Variants in NUP133 observed in about 807,000 individuals in gnomAD.
NUP133 encodes the protein nucleoporin 133.
Under a neutral mutation model 146.2 loss-of-function variants are expected in NUP133, and 66 were observed. The observed-to-expected ratio is 0.45, with a 90% CI of 0.37 to 0.55. The LOEUF is 0.55. Ranked by LOEUF, NUP133 falls within the 20% of genes least tolerant of loss-of-function variation. The pLI, the probability that NUP133 is intolerant of heterozygous loss-of-function variation, is 0.00. For missense variants in NUP133, 1,277 were observed against 1,374.8 expected (o/e 0.93, Z 1.12); for synonymous variants, 521 against 498.8 (o/e 1.04, Z -0.59).
At chr1:229,461,260 A>G (rs952712025) in intron 19 of NUP133, among the ~76,000 whole-genome samples, 13 of 151,924 alleles carry the variant, frequency 8.6e-5, no homozygotes, top group African/African-American at 3.1e-4. Context: ...CTGGCATGAT[A>G]CATCAAAATC....
In NUP133 at chr1:229,441,996, G is replaced by C; in HGVS notation, c.3379C>G (p.Gln1127Glu). 6.3e-7 allele frequency: 1 copy of C among 1,590,194 alleles called. No individual in the cohort carries two copies. Among genetic ancestry groups the C allele is most frequent in the South Asian group, 1.2e-5 (1 of 85,568 alleles). ...TTTAAGCTTCCAAGCTGATCCGCTT[G>C]TAGCAGGTCTTTCACCTCCGGTAAG... ...EYLPEVKDLLQADQLGSLKSN... is the reference protein window; with the variant it reads ...EYLPEVKDLLEADQLGSLKSN... The change falls in exon 26 of 26, where the codon CAA becomes GAA. Residue 1127 changes from glutamine (Q) to glutamate (E), a missense_variant. Coordinates refer to ENST00000261396, the MANE Select transcript of NUP133 (RefSeq NM_018230.3).
At chr1:229,504,920 T>C (rs1195818000) in intron 2 of NUP133, among the ~76,000 whole-genome samples, 1 of 152,198 alleles carries the variant, frequency 6.6e-6, no homozygotes, top group African/African-American at 2.4e-5. Context: ...ATATCCATAC[T>C]GTATACCCCA....
chr1:229,501,916 CT>C, intron 3 of NUP133, 82 bp downstream of exon 3: 1 of 986,532 alleles, frequency 1.0e-6, no homozygotes, highest in Non-Finnish European at 1.6e-6. Flanking sequence ...TATCCTCCAA[CT>C]GTAAAAAAAT....
chr1:229,464,493 C>T, intron 18 of NUP133, 131 bp downstream of exon 18: 3 of 1,048,634 alleles, frequency 2.9e-6, no homozygotes, highest in Non-Finnish European at 1.4e-6. Context: ...GCACAGAAAG[C>T]TGTGCATATT....
intron 9 of NUP133, among the ~76,000 whole-genome samples, chr1:229,488,808 C>T (rs1661429765): frequency 6.6e-6 from 1 of 152,110 alleles, no homozygotes. Flanking sequence ...GTGAATATCA[C>T]TGCACTCCAG....
rs147969588 is a variant in NUP133 at position 229,508,068 on chromosome 1, C to T, written c.182G>A (p.Arg61Gln). ...PVGRRSSLSS[R>Q]GTPTRMFPHH... ...AGACCCAACCAGGGAGATCACTTACCGCGAGCTTAGCGAGCTACGCCGGCC... is the reference window on the plus strand; with the variant it reads ...AGACCCAACCAGGGAGATCACTTACTGCGAGCTTAGCGAGCTACGCCGGCC... The change falls in exon 1 of 26, where the codon CGG becomes CAG. Residue 61 changes from arginine to glutamine, a missense_variant and splice_region_variant. Around this residue, in one of 3 missense-constraint regions of NUP133, gnomAD observed 319 missense variants for 306.9 expected, o/e 1.04. Transcript: ENST00000261396. The T allele has an allele frequency of 1.4e-4, 212 of 1,488,204 alleles. No homozygotes were observed. In the African/African-American group the frequency reaches 2.6e-3, roughly 19 times the overall value. 92.2% of individuals were successfully genotyped at this position (1,488,204 alleles called of 1,614,324 possible).
At chr1:229,490,204 C>T (rs993377634) in intron 8 of NUP133, 102 bp from the exon 9 acceptor site, 3 of 972,946 alleles carry the variant, frequency 3.1e-6, no homozygotes, top group Non-Finnish European at 2.8e-6. Context: ...CAATCCCATT[C>T]GTGGACACCT....
chr1:229,443,315 C>T (rs1301175697), intron 25 of NUP133, among the ~76,000 whole-genome samples: 2 of 151,898 alleles, frequency 1.3e-5, no homozygotes, highest in Non-Finnish European at 2.9e-5. Context: ...GCTGGGATTA[C>T]AGGCGTGAGC....
At position 229,487,510 on chromosome 1, in the gene NUP133, C is replaced by T; in HGVS notation, c.1298G>A (p.Gly433Glu). 1.2e-6 allele frequency: 2 copies of T among 1,613,444 alleles called. No homozygotes were observed. Among genetic ancestry groups the T allele is most frequent in the South Asian group, 2.2e-5 (2 of 90,942 alleles). Residue 433 changes from glycine to glutamate, a missense_variant, in exon 10 of 26, where the codon GGG (glycine) becomes GAG (glutamate). Physicochemically the swap from Gly to Glu is moderately conservative, Grantham distance 98. Around this residue, in one of 3 missense-constraint regions of NUP133, gnomAD observed 952 missense variants for 1,047.0 expected, o/e 0.91. Transcript: ENST00000261396. Reference sequence around the variant, plus strand: ...TTTCTCCTGGGGAAGAGAAAATTTCCCAGTTCCTGTGGAGCACACATAGAC... The same window carrying T: ...TTTCTCCTGGGGAAGAGAAAATTTCTCAGTTCCTGTGGAGCACACATAGAC... Reference protein sequence around the residue: ...SAVYVCSTGTGKFSLPQEKIV... With the variant: ...SAVYVCSTGTEKFSLPQEKIV...
intron 17 of NUP133, 101 bp from the exon 18 acceptor site, chr1:229,464,976 A>C (rs938148471): frequency 7.3e-7 from 1 of 1,365,978 alleles, no homozygotes; most frequent in African/African-American, 1.4e-5. Context: ...TCACTGCTGG[A>C]AAATTACATT....
intron 2 of NUP133, among the ~76,000 whole-genome samples, chr1:229,503,620 G>T (rs1018928096): frequency 2.6e-5 from 4 of 152,214 alleles, no homozygotes; most frequent in Non-Finnish European, 5.9e-5. Context: ...TGAAGTAAAA[G>T]GCATAGACAA....
At chr1:229,488,173 A>T (rs1661409073) in intron 9 of NUP133, among the ~76,000 whole-genome samples, 1 of 152,222 alleles carries the variant, frequency 6.6e-6, no homozygotes, top group African/African-American at 2.4e-5. Flanking sequence ...AAATTAACAA[A>T]TTTGGAAAAC....
In NUP133 at chr1:229,506,866, G is replaced by C. The variant is rs72751733; in HGVS notation, c.183-708C>G. On this transcript the variant is annotated intron_variant, in intron 1 of 25. Transcript: ENST00000261396. ...CTATCAGATCTGTACAACCAAGCAAGAAATCGAACAGGTTACGAGCATCAG... is the reference window on the plus strand; with the variant it reads ...CTATCAGATCTGTACAACCAAGCAACAAATCGAACAGGTTACGAGCATCAG... 6.9e-3 allele frequency among the ~76,000 whole-genome samples: 988 copies of C among 143,074 alleles called. 6 individuals are homozygous for C. The highest frequency in any genetic ancestry group is 8.6e-3 in the Non-Finnish European group (560 of 65,332). 93.9% of individuals were successfully genotyped at this position (143,074 alleles called of 152,430 possible).
intron 21 of NUP133, 29 bp downstream of exon 21, chr1:229,458,132 T>C (rs575857635): frequency 6.2e-7 from 1 of 1,601,082 alleles, no homozygotes; most frequent in Non-Finnish European, 8.5e-7. Context: ...ATGACCAATT[T>C]GTAAATCCTT....
At chr1:229,484,804 T>C (rs901796334) in intron 11 of NUP133, among the ~76,000 whole-genome samples, 9 of 152,190 alleles carry the variant, frequency 5.9e-5, no homozygotes, top group African/African-American at 2.2e-4. Flanking sequence ...ATATTAATCC[T>C]TTTTTGTAAT....
At chr1:229,452,134 G>T (rs1199428262) in intron 22 of NUP133, among the ~76,000 whole-genome samples, 1 of 152,204 alleles carries the variant, frequency 6.6e-6, no homozygotes, top group African/African-American at 2.4e-5. Flanking sequence ...GAGGAAAGGG[G>T]TAAGGACAGA....
At chr1:229,448,511 C>A (rs563762320) in intron 24 of NUP133, among the ~76,000 whole-genome samples, 1 of 152,288 alleles carries the variant, frequency 6.6e-6, no homozygotes, top group African/African-American at 2.4e-5. Context: ...CAGAAAAACT[C>A]ATGAATAATG....
At chr1:229,507,924 G>A in intron 1 of NUP133, 144 bp downstream of exon 1, 1 of 1,261,724 alleles carries the variant, frequency 7.9e-7, no homozygotes, top group African/African-American at 1.5e-5. Context: ...ACTACCTGCA[G>A]CAGTGGAAAA....
intron 15 of NUP133, 131 bp downstream of exon 15, chr1:229,470,449 A>C: frequency 2.7e-6 from 2 of 736,570 alleles, no homozygotes; most frequent in Non-Finnish European, 4.5e-6. Context: ...TAGCCAGAAA[A>C]TCTGGAGTCC....
Sources: allele counts gnomAD v4.1 joint callset (sites outside exome capture counted in the v4.1 genomes callset), GRCh38; gene constraint gnomAD v4.1.1; regional missense constraint gnomAD v4.1.1; transcripts MANE v1.5; gene names NCBI Gene and HGNC (gene_info 2026-07-23, HGNC 2026-07-21).